Variants in UGT2B17 observed in about 807,000 individuals in gnomAD.
UGT2B17 encodes the protein UDP glucuronosyltransferase family 2 member B17.
UGT2B17 carries 21 observed loss-of-function variants against 48.2 expected under a neutral mutation model. The ratio of observed to expected loss-of-function variants is 0.44; its 90% confidence interval spans 0.31 to 0.63. The LOEUF is 0.63. Ranked by LOEUF, UGT2B17 falls within the 20% of genes least tolerant of loss-of-function variation. The pLI is 0.08. For missense variants in UGT2B17, 402 were observed against 696.1 expected (o/e 0.58, Z 4.75); for synonymous variants, 146 against 238.4 (o/e 0.61, Z 3.57).
At chr4:68,575,188 CTT>C (rs559097531) in intron 1 of UGT2B17, among the ~76,000 whole-genome samples, 4 of 81,880 alleles carry the variant, frequency 4.9e-5, no homozygotes, top group Non-Finnish European at 9.0e-5. Flanking sequence ...TATAGATGGC[CTT>C]TTTTTTTTTT....
In UGT2B17 at chr4:68,569,414, C is replaced by A. The variant is rs796993656; in HGVS notation, c.-64-866G>T. On this transcript the variant is annotated intron_variant, in intron 1 of 6. Transcript: ENST00000317746. ...TGTGAAGCTGAGTCAAATTAGAGAA[C>A]CAAGCCAAGCAAAATATAGGGGTAG... 2.7e-4 allele frequency among the ~76,000 whole-genome samples: 34 copies of A among 124,726 alleles called. 4 individuals are homozygous for A. The highest frequency in any genetic ancestry group is 8.5e-4 in the African/African-American group (31 of 36,394). 81.8% of individuals were successfully genotyped at this position (124,726 alleles called of 152,430 possible).
chr4:68,546,699 CCTT>C lies in UGT2B17; in HGVS notation c.1313+3975_1313+3977del, dbSNP rs1310662351. The stretch of plus-strand genomic sequence containing the variant: ...ACCTGATCGTCTGAGCCCCAAATCT[CCTT>C]AAGCTGATAAGCAACTTCAGCAAAG... On this transcript the variant is annotated intron_variant, in intron 6 of 6. Coordinates refer to ENST00000317746, the MANE Select transcript of UGT2B17 (RefSeq NM_001077.4). Among the ~76,000 whole-genome samples the C allele has an allele frequency of 2.4e-5, 3 of 125,666 alleles. No homozygotes were observed. In the Admixed American group the frequency reaches 2.4e-4, roughly 10 times the overall value. 82.4% of individuals were successfully genotyped at this position (125,666 alleles called of 152,430 possible). A position where few individuals can be genotyped will look rare whatever the true frequency, so the allele number is the denominator to read the frequency against.
At chr4:68,571,951 T>G (rs1294978311) in intron 1 of UGT2B17, among the ~76,000 whole-genome samples, 1 of 125,382 alleles carries the variant, frequency 8.0e-6, no homozygotes, top group Admixed American at 8.2e-5. Context: ...TGTCTAATGA[T>G]ATATATTTTT....
chr4:68,554,180 G>A (rs1171855150), intron 4 of UGT2B17, among the ~76,000 whole-genome samples: 1 of 124,550 alleles, frequency 8.0e-6, no homozygotes, highest in Non-Finnish European at 1.7e-5. Context: ...CCCACAAGCA[G>A]CACACATTGA....
At chr4:68,548,656 GTT>G (rs1560576412) in intron 6 of UGT2B17, among the ~76,000 whole-genome samples, 1 of 50,726 alleles carries the variant, frequency 2.0e-5, no homozygotes, top group Non-Finnish European at 7.3e-5. Flanking sequence ...TTTTCCATTT[GTT>G]TGTGTCCTCT....
At chr4:68,551,499 C>A (rs1441689864) in intron 5 of UGT2B17, among the ~76,000 whole-genome samples, 1 of 123,298 alleles carries the variant, frequency 8.1e-6, no homozygotes, top group African/African-American at 2.8e-5. Flanking sequence ...AATAACCCTG[C>A]AGTAGGGGAA....
At chr4:68,546,736 T>TA (rs1183217607) in intron 6 of UGT2B17, among the ~76,000 whole-genome samples, 1 of 125,562 alleles carries the variant, frequency 8.0e-6, no homozygotes, top group Non-Finnish European at 1.7e-5. Flanking sequence ...AGTCTCAGGA[T>TA]AAAAAATCAA....
intron 4 of UGT2B17, among the ~76,000 whole-genome samples, chr4:68,552,931 G>A (rs764960527): frequency 1.6e-5 from 2 of 124,410 alleles, no homozygotes; most frequent in Non-Finnish European, 3.4e-5. Context: ...ACTCTATGGA[G>A]TTTGAGCTCA....
intron 5 of UGT2B17, among the ~76,000 whole-genome samples, chr4:68,551,375 A>G (rs1247667773): frequency 8.0e-6 from 1 of 125,026 alleles, no homozygotes; most frequent in Non-Finnish European, 1.7e-5. Context: ...AGGACAGGTT[A>G]CACATCATCA....
intron 4 of UGT2B17, among the ~76,000 whole-genome samples, chr4:68,558,175 TC>T (rs1731036706): frequency 8.1e-6 from 1 of 123,414 alleles, no homozygotes; most frequent in Non-Finnish European, 1.7e-5. Context: ...CCATGGTTTG[TC>T]TTTAGTAAAA....
chr4:68,537,832 G>C lies in UGT2B17; in HGVS notation c.1386C>G (p.Val462=). 7.2e-7 allele frequency: 1 copy of C among 1,379,456 alleles called. No homozygotes were observed. The highest frequency in any genetic ancestry group is 9.5e-7 in the Non-Finnish European group (1 of 1,054,912). The allele number at this position is 1,379,456 out of a possible 1,614,324, so 85.5% of individuals were successfully genotyped here. ...DQPVKPLDRA[V]FWIEFVMRHK... ...GGCGCATGACAAACTCAATCCAGAAGACTGCTCGATCCAGGGGCTTCACCG... is the reference window on the plus strand; with the variant it reads ...GGCGCATGACAAACTCAATCCAGAACACTGCTCGATCCAGGGGCTTCACCG... The change falls in exon 7 of 7, where the codon GTC becomes GTG. Residue 462 remains valine (V), a synonymous_variant. Transcript: ENST00000317746.
rs1423572360 is a variant in UGT2B17 at position 68,544,931 on chromosome 4, C to A, written c.1313+5746G>T. Among the ~76,000 whole-genome samples the A allele has an allele frequency of 2.4e-5, 3 of 125,780 alleles. 1 individual carries two copies. The highest frequency in any genetic ancestry group is 3.4e-5 in the Non-Finnish European group (2 of 59,468). 82.5% of individuals were successfully genotyped at this position (125,780 alleles called of 152,430 possible). On this transcript the variant is annotated intron_variant, in intron 6 of 6. Coordinates refer to ENST00000317746, the MANE Select transcript of UGT2B17 (RefSeq NM_001077.4). The stretch of plus-strand genomic sequence containing the variant: ...ATGCACCCAGATTCATAAAGCAAGT[C>A]CTTAGATACCTACAAAGAGACTTAG...
chr4:68,553,005 T>G (rs113476432), intron 4 of UGT2B17, among the ~76,000 whole-genome samples: 1,580 of 125,540 alleles, frequency 0.013, 312 homozygotes, highest in African/African-American at 0.04. Flanking sequence ...AGGGCAGTTT[T>G]AGCCTGAAAC....
In UGT2B17 at chr4:68,558,831, A is replaced by T. The variant is rs191450166; in HGVS notation, c.1005+1706T>A. Among the ~76,000 whole-genome samples, 1,199 of 125,494 alleles carry T rather than the reference A, an allele frequency of 9.6e-3. 272 individuals are homozygous for T. The highest frequency in any genetic ancestry group is 0.015 in the Non-Finnish European group (863 of 59,250). 82.3% of individuals were successfully genotyped at this position (125,494 alleles called of 152,430 possible). A position where few individuals can be genotyped will look rare whatever the true frequency, so the allele number is the denominator to read the frequency against. ...TCACTGCCTCCCATTCTATTCAAAG[A>T]CACCCCTCTGCTCACTGAGATAAAT... On this transcript the variant is annotated intron_variant, in intron 4 of 6. Transcript: ENST00000317746.
At position 68,565,675 on chromosome 4, in the gene UGT2B17, C is replaced by T; in HGVS notation, c.770G>A (p.Trp257Ter). 5 of 1,364,970 alleles carry T rather than the reference C, an allele frequency of 3.7e-6. No individual in the cohort carries two copies. The highest frequency in any genetic ancestry group is 4.8e-6 in the Non-Finnish European group (5 of 1,047,446). The allele number at this position is 1,364,970 out of a possible 1,614,324, so 84.6% of individuals were successfully genotyped here. A position where few individuals can be genotyped will look rare whatever the true frequency, so the allele number is the denominator to read the frequency against. Residue 257 changes from tryptophan (W) to a stop codon, truncating the protein, a stop_gained, in exon 3 of 7, where the codon TGG becomes TAG. Transcript: ENST00000317746. LOFTEE classifies it high-confidence loss of function. ...AAAATCCCAATAGGTTCGAATGAGC[C>T]ACATTTCAGCTTTCCCCATTGTCTC... ...LFETMGKAEM[W>*]LIRTYWDFEF... is the part of the protein sequence containing the mutation.
chr4:68,552,378 A>G (rs1730933027), intron 4 of UGT2B17, among the ~76,000 whole-genome samples: 1 of 126,198 alleles, frequency 7.9e-6, no homozygotes, highest in Admixed American at 8.1e-5. Flanking sequence ...AGCCCCTTCC[A>G]TGCTTCAAGT....
At position 68,537,446 on chromosome 4, in the gene UGT2B17, G is replaced by T; in HGVS notation, c.*179C>A. On this transcript the variant is annotated 3_prime_UTR_variant, in exon 7 of 7. Transcript: ENST00000317746. ...TCATAGCTTAAAAATCATTGACATAGAATAATTCCAACTAAAGTACATATT... is the reference window on the plus strand; with the variant it reads ...TCATAGCTTAAAAATCATTGACATATAATAATTCCAACTAAAGTACATATT... 2.0e-6 allele frequency: 1 copy of T among 488,604 alleles called. No homozygotes were observed. The highest frequency in any genetic ancestry group is 3.0e-6 in the Non-Finnish European group (1 of 338,230). The allele number at this position is 488,604 out of a possible 1,614,324, so 30.3% of individuals were successfully genotyped here.
In UGT2B17 at chr4:68,559,585, G is replaced by T. The variant is rs1463164171; in HGVS notation, c.1005+952C>A. Among the ~76,000 whole-genome samples, 28 of 126,048 alleles carry T rather than the reference G, an allele frequency of 2.2e-4. 5 individuals carry two copies. The highest frequency in any genetic ancestry group is 7.6e-4 in the African/African-American group (28 of 36,904). 82.7% of individuals were successfully genotyped at this position (126,048 alleles called of 152,430 possible). A position where few individuals can be genotyped will look rare whatever the true frequency, so the allele number is the denominator to read the frequency against. On this transcript the variant is annotated intron_variant, in intron 4 of 6. Transcript: ENST00000317746. ...AAGTGTTGTCCTTGTATTTGATATG[G>T]GAGTGTTAAAGTAACTCTGTGTTTT... is the stretch of plus-strand genomic sequence containing the variant.
rs756138541 is a variant in UGT2B17, at chr4:68,568,165, C to A, written c.320G>T (p.Trp107Leu). 9 of 1,379,236 alleles carry A rather than the reference C, an allele frequency of 6.5e-6. 1 individual carries two copies. The highest frequency in any genetic ancestry group is 1.5e-5 in the African/African-American group (1 of 67,770). The allele number at this position is 1,379,236 out of a possible 1,614,324, so 85.4% of individuals were successfully genotyped here. A position where few individuals can be genotyped will look rare whatever the true frequency, so the allele number is the denominator to read the frequency against. The change falls in exon 2 of 7, where the codon TGG becomes TTG. Residue 107 changes from tryptophan to leucine, a missense_variant. Transcript: ENST00000317746. The stretch of plus-strand genomic sequence containing the variant: ...TTCTTGTAGTTGTGAAAAATATGAC[C>A]AAAATGTATTTTTTGAAATACTATA... ...WTYSISKNTF[W>L]SYFSQLQELC... is the part of the protein sequence containing the mutation.
Sources: allele counts gnomAD v4.1 joint callset (sites outside exome capture counted in the v4.1 genomes callset), GRCh38; gene constraint gnomAD v4.1.1; transcripts MANE v1.5; gene names NCBI Gene and HGNC (gene_info 2026-07-23, HGNC 2026-07-21).